The following GRID2 variants were observed in gnomAD, a reference collection of about 807,000 sequenced individuals.
GRID2 encodes glutamate receptor ionotropic, delta-2.
GRID2 carries 33 observed loss-of-function variants against 114.8 expected under a neutral mutation model. The observed-to-expected ratio is 0.29, with a 90% confidence interval of 0.22 to 0.38. The LOEUF (loss-of-function observed/expected upper bound fraction) is 0.38, where lower values mean the gene tolerates loss of function less well. Among genes scored for constraint, GRID2 ranks in the 10% least tolerant of loss-of-function variants. The pLI is 1.00. For missense variants in GRID2, 1,184 were observed against 1,257.7 expected (o/e 0.94, Z 0.89); for synonymous variants, 505 against 449.9 (o/e 1.12, Z -1.55).
intron 1 of GRID2, among the ~76,000 whole-genome samples, chr4:92,573,493 G>T (rs775984187): frequency 4.6e-5 from 7 of 152,114 alleles, no homozygotes; most frequent in African/African-American, 7.2e-5. Context: ...CTGCATCCCA[G>T]TTAATCTGGT....
chr4:92,720,979 A>G (rs1235347321), intron 2 of GRID2, among the ~76,000 whole-genome samples: 1 of 152,152 alleles, frequency 6.6e-6, no homozygotes, highest in Non-Finnish European at 1.5e-5. Context: ...CTTAAGAAGG[A>G]AGACCATTCT....
intron 13 of GRID2, among the ~76,000 whole-genome samples, chr4:93,613,847 G>A (rs1456104783): frequency 2.0e-5 from 3 of 151,946 alleles, no homozygotes; most frequent in African/African-American, 7.2e-5. Context: ...CACCCAGTTC[G>A]AGCTTCCAGG....
At chr4:92,724,814 T>C (rs1735988752) in intron 2 of GRID2, among the ~76,000 whole-genome samples, 1 of 152,128 alleles carries the variant, frequency 6.6e-6, no homozygotes, top group Admixed American at 6.6e-5. Flanking sequence ...ATAAGTACCA[T>C]GGAAATACTA....
chr4:93,471,463 T>C (rs1471704790), intron 11 of GRID2, among the ~76,000 whole-genome samples: 1 of 151,946 alleles, frequency 6.6e-6, no homozygotes, highest in Non-Finnish European at 1.5e-5. Context: ...GTCTGAGGGG[T>C]CTGAAGACTC....
chr4:92,618,028 C>T (rs146108311), intron 2 of GRID2, among the ~76,000 whole-genome samples: 3 of 151,716 alleles, frequency 2.0e-5, no homozygotes, highest in African/African-American at 4.8e-5. Flanking sequence ...GACATAATCT[C>T]ACTTGTTTAT....
chr4:93,799,569 A>G (rs899005201), intron 1 of GRID2, among the ~76,000 whole-genome samples: 4 of 152,186 alleles, frequency 2.6e-5, no homozygotes, highest in Middle Eastern at 3.2e-3. Context: ...AAATAGAAAT[A>G]AAAATTTTGG....
chr4:92,624,259 A>G (rs1730414887), intron 2 of GRID2, among the ~76,000 whole-genome samples: 1 of 151,854 alleles, frequency 6.6e-6, no homozygotes, highest in Non-Finnish European at 1.5e-5. Flanking sequence ...GGCACAAACA[A>G]TCTTATTAAG....
intron 1 of GRID2, among the ~76,000 whole-genome samples, chr4:93,799,417 G>A (rs1348558200): frequency 6.6e-6 from 1 of 151,028 alleles, no homozygotes; most frequent in East Asian, 1.9e-4. Context: ...TGCTCAAGGG[G>A]AAACTACAGA....
intron 2 of GRID2, among the ~76,000 whole-genome samples, chr4:92,622,269 G>T (rs1420492749): frequency 2.6e-5 from 4 of 151,626 alleles, no homozygotes; most frequent in East Asian, 1.9e-4. Context: ...ATACTAAAAA[G>T]GTCACAATTT....
At chr4:92,630,377 G>A (rs1730743743) in intron 2 of GRID2, among the ~76,000 whole-genome samples, 1 of 152,046 alleles carries the variant, frequency 6.6e-6, no homozygotes, top group African/African-American at 2.4e-5. Flanking sequence ...ACTTGTAAGT[G>A]GACTTGTAGT....
intron 2 of GRID2, among the ~76,000 whole-genome samples, chr4:92,733,186 C>G (rs1312031342): frequency 1.3e-5 from 2 of 152,078 alleles, no homozygotes; most frequent in African/African-American, 4.8e-5. Context: ...TGTATCACAG[C>G]ACATTCATTT....
At chr4:93,711,915 G>T (rs1728517511) in intron 14 of GRID2, among the ~76,000 whole-genome samples, 1 of 152,162 alleles carries the variant, frequency 6.6e-6, no homozygotes, top group African/African-American at 2.4e-5. Flanking sequence ...GTGGATAGTT[G>T]TACCGTTTGG....
intron 8 of GRID2, among the ~76,000 whole-genome samples, chr4:93,272,497 G>A (rs1751570260): frequency 6.6e-6 from 1 of 152,156 alleles, no homozygotes; most frequent in South Asian, 2.1e-4. Context: ...CTAGGTAGGA[G>A]ATGATGCTCT....
intron 4 of GRID2, among the ~76,000 whole-genome samples, chr4:93,199,363 T>C (rs1160186625): frequency 1.3e-5 from 2 of 152,198 alleles, no homozygotes; most frequent in South Asian, 2.1e-4. Context: ...ACAGGAAAGT[T>C]GGTCTATGCC....
At chr4:92,707,206 T>G (rs1734995882) in intron 2 of GRID2, among the ~76,000 whole-genome samples, 1 of 152,156 alleles carries the variant, frequency 6.6e-6, no homozygotes, top group Admixed American at 6.5e-5. Context: ...TTCTGAAATT[T>G]GAAATTATTG....
At chr4:93,330,233 A>T (rs981174361) in intron 8 of GRID2, among the ~76,000 whole-genome samples, 1 of 152,088 alleles carries the variant, frequency 6.6e-6, no homozygotes, top group African/African-American at 2.4e-5. Flanking sequence ...GTTTAAGGGG[A>T]GGTTCACAAA....
intron 2 of GRID2, among the ~76,000 whole-genome samples, chr4:92,607,800 C>T (rs1027590262): frequency 3.3e-5 from 5 of 151,726 alleles, no homozygotes; most frequent in East Asian, 1.9e-4. Context: ...GTAGAATTAG[C>T]GAAGAATGTA....
intron 4 of GRID2, among the ~76,000 whole-genome samples, chr4:93,183,410 A>G (rs1307428314): frequency 6.6e-6 from 1 of 152,206 alleles, no homozygotes; most frequent in Non-Finnish European, 1.5e-5. Flanking sequence ...CTCAAAAATG[A>G]TAGCATTGAC....
intron 1 of GRID2, among the ~76,000 whole-genome samples, chr4:92,400,641 T>A (rs546846085): frequency 2.6e-5 from 4 of 152,218 alleles, no homozygotes; most frequent in African/African-American, 9.6e-5. Context: ...AATTGCTGGG[T>A]TCTATGATAA....
Sources: gnomAD v4.1 joint callset for allele counts (sites outside exome capture counted in the v4.1 genomes callset) on GRCh38, gnomAD v4.1.1 for gene constraint, MANE v1.5 for transcripts, NCBI Gene and HGNC (gene_info 2026-07-23, HGNC 2026-07-21) for gene names.